GEMIN6: variants seen among roughly 807,000 people sequenced by gnomAD.
The protein encoded by GEMIN6 is gem nuclear organelle associated protein 6, also known as gem-associated protein 6.
Under a neutral mutation model 14.1 loss-of-function variants are expected in GEMIN6, and 13 were observed. The observed-to-expected ratio is 0.92, with a 90% confidence interval of 0.60 to 1.46. The LOEUF is 1.46. GEMIN6 is among the 40% of genes most tolerant of loss of function. The probability of loss-of-function intolerance (pLI) is 0.00; values close to 1 mark genes in which losing one functional copy is unlikely to be tolerated. For synonymous variants in GEMIN6, 87 were observed against 70.0 expected (o/e 1.24, Z -1.21); for missense variants, 271 against 202.4 (o/e 1.34, Z -2.06).
chr2:38,779,043 A>C lies in GEMIN6; in HGVS notation c.53A>C (p.Lys18Thr). 3.1e-6 allele frequency: 5 copies of C among 1,613,868 alleles called. No individual in the cohort carries two copies. The highest frequency in any genetic ancestry group is 4.2e-6 in the Non-Finnish European group (5 of 1,179,856). Residue 18 changes from lysine (K) to threonine (T), a missense_variant, in exon 2 of 3, where the codon AAA becomes ACA. By Grantham distance (78) the Lys-to-Thr change is moderately conservative. Transcript: ENST00000281950. Reference sequence around the variant, plus strand: ...TTAGAATGGCAAGATTACATTTACAAAGAGGTCCGAGTGACAGCCAGTGAG... The same window carrying C: ...TTAGAATGGCAAGATTACATTTACACAGAGGTCCGAGTGACAGCCAGTGAG... ...GPLEWQDYIY[K>T]EVRVTASEKN...
chr2:38,780,974 C>T (rs1558338398), intron 2 of GEMIN6, among the ~76,000 whole-genome samples: 1 of 32,856 alleles, frequency 3.0e-5, no homozygotes, highest in African/African-American at 6.0e-5. Flanking sequence ...ACCCTGCCTT[C>T]TTCTTTTTTT....
In GEMIN6 at chr2:38,779,116, C is replaced by CTG. The variant is rs1558337548; in HGVS notation, c.126_127insTG (p.Asn43Ter). 3 of 1,611,456 alleles carry CTG rather than the reference C, an allele frequency of 1.9e-6. No individual in the cohort carries two copies. ...TTTTAACTACAGACCCAGTCTCTGC[C>CTG]AAGTGAGTATGCATCCTACTTGCCT... On this transcript the variant is annotated frameshift_variant and splice_region_variant, in exon 2 of 3. Coordinates refer to ENST00000281950, the MANE Select transcript of GEMIN6 (RefSeq NM_024775.10). LOFTEE classifies it high-confidence loss of function.
rs1669087592 is a variant in GEMIN6, at chr2:38,781,601, G to A, written c.213G>A (p.Met71Ile). ...ATGCTGTGCAGACTGTTGAAACTATGAATGAAGGGGACCATAGAGTGAGGG... is the reference window on the plus strand; with the variant it reads ...ATGCTGTGCAGACTGTTGAAACTATAAATGAAGGGGACCATAGAGTGAGGG... ...MGHAVQTVET[M>I]NEGDHRVREK... Residue 71 changes from methionine (M) to isoleucine (I), a missense_variant, in exon 3 of 3, where the codon ATG (methionine) becomes ATA (isoleucine). Met to Ile is a conservative substitution (Grantham distance 10). Transcript: ENST00000281950. 1.2e-6 allele frequency: 2 copies of A among 1,614,192 alleles called. No homozygotes were observed. The highest frequency in any genetic ancestry group is 1.7e-5 in the Admixed American group (1 of 60,016).
intron 2 of GEMIN6, among the ~76,000 whole-genome samples, chr2:38,779,650 A>ATATATATATATG (rs1558337871): frequency 4.0e-5 from 1 of 24,882 alleles, no homozygotes; most frequent in Non-Finnish European, 1.2e-4. Context: ...ATATATATAT[A>ATATATATATATG]TATATATATA....
At chr2:38,779,652 A>G (rs1210593529) in intron 2 of GEMIN6, among the ~76,000 whole-genome samples, 1 of 25,444 alleles carries the variant, frequency 3.9e-5, no homozygotes, top group East Asian at 8.3e-4. Context: ...ATATATATAT[A>G]TATATATATA....
intron 2 of GEMIN6, among the ~76,000 whole-genome samples, chr2:38,780,203 C>G (rs1285707373): frequency 2.9e-4 from 44 of 151,268 alleles, no homozygotes; most frequent in Non-Finnish European, 8.9e-5. Flanking sequence ...ACCTGTAGTC[C>G]CAGCTACTCA....
chr2:38,781,958 A>G lies in GEMIN6; in HGVS notation c.*66A>G, dbSNP rs1572594362. 1 of 1,427,582 alleles carries G rather than the reference A, an allele frequency of 7.0e-7. No homozygotes were observed. The highest frequency in any genetic ancestry group is 2.3e-5 in the East Asian group (1 of 43,750). The allele number at this position is 1,427,582 out of a possible 1,614,324, so 88.4% of individuals were successfully genotyped here. A position where few individuals can be genotyped will look rare whatever the true frequency, so the allele number is the denominator to read the frequency against. On this transcript the variant is annotated 3_prime_UTR_variant, in exon 3 of 3. Transcript: ENST00000281950. ...ATTTTATCCCTCATAAAATGTTTTA[A>G]ATGTAAATGTACATGACTGTGTGTG...
rs1278130414 is a variant in GEMIN6 at position 38,783,289 on chromosome 2, G to C, written c.*1397G>C. On this transcript the variant is annotated 3_prime_UTR_variant, in exon 3 of 3. Transcript: ENST00000281950. ...TGCAACCTCTGCCTCCTGAGTTCAA[G>C]CCATTCTCCTGCCTCAGCCCCCTCA... The C allele has an allele frequency of 1.3e-5, 2 of 152,660 alleles. No individual in the cohort carries two copies. The highest frequency in any genetic ancestry group is 1.9e-4 in the East Asian group (1 of 5,220). The allele number at this position is 152,660 out of a possible 1,614,324, so 9.5% of individuals were successfully genotyped here.
chr2:38,781,490 G>A (rs1669084333), intron 2 of GEMIN6, 27 bp from the exon 3 acceptor site: 1 of 1,569,700 alleles, frequency 6.4e-7, no homozygotes, highest in Non-Finnish European at 8.6e-7. Flanking sequence ...GGTTGATGAT[G>A]CCTCTAAACT....
rs1055896275 is a variant in GEMIN6, at chr2:38,783,603, A to T, written c.*1711A>T. 4.0e-5 allele frequency: 6 copies of T among 150,890 alleles called. No homozygotes were observed. Among genetic ancestry groups the T allele is most frequent in the African/African-American group, 1.5e-4 (6 of 40,946 alleles). The allele number at this position is 150,890 out of a possible 1,614,324, so 9.3% of individuals were successfully genotyped here. A position where few individuals can be genotyped will look rare whatever the true frequency, so the allele number is the denominator to read the frequency against. ...TGGCCTCCCAAAGTGCTGGGAATATAGGTGTGAGCTGCCATGTCCAGCTGT... is the reference window on the plus strand; with the variant it reads ...TGGCCTCCCAAAGTGCTGGGAATATTGGTGTGAGCTGCCATGTCCAGCTGT... On this transcript the variant is annotated 3_prime_UTR_variant, in exon 3 of 3. Transcript: ENST00000281950.
At position 38,779,024 on chromosome 2, in the gene GEMIN6, T is replaced by A. The variant is rs752819069; in HGVS notation, c.34T>A (p.Trp12Arg). The A allele has an allele frequency of 6.2e-7, 1 of 1,613,624 alleles. No individual in the cohort carries two copies. The highest frequency in any genetic ancestry group is 8.5e-7 in the Non-Finnish European group (1 of 1,179,838). Residue 12 changes from tryptophan (W) to arginine (R), a missense_variant, in exon 2 of 3, where the codon TGG (tryptophan) becomes AGG (arginine). Transcript: ENST00000281950. ...SEWMKKGPLE[W>R]QDYIYKEVRV... ...ATGGATGAAGAAAGGCCCCTTAGAA[T>A]GGCAAGATTACATTTACAAAGAGGT... is the stretch of plus-strand genomic sequence containing the variant.
Position 38,784,157 on chromosome 2 carries a change from C to T in GEMIN6, c.*2265C>T, listed in dbSNP as rs1039321215. The T allele has an allele frequency of 3.3e-5, 5 of 152,138 alleles. No homozygotes were observed. The highest frequency in any genetic ancestry group is 1.2e-4 in the African/African-American group (5 of 41,428). 9.4% of individuals were successfully genotyped at this position (152,138 alleles called of 1,614,324 possible). A position where few individuals can be genotyped will look rare whatever the true frequency, so the allele number is the denominator to read the frequency against. On this transcript the variant is annotated 3_prime_UTR_variant, in exon 3 of 3. Transcript: ENST00000281950. ...TGGCTAAGACTCTCCTGTTCAAACCCTGGATGTCTTCAGAAAGCAAATAGA... is the reference window on the plus strand; with the variant it reads ...TGGCTAAGACTCTCCTGTTCAAACCTTGGATGTCTTCAGAAAGCAAATAGA...
At chr2:38,779,319 C>G (rs747653988) in intron 2 of GEMIN6, 3 of 547,526 alleles carry the variant, frequency 5.5e-6, no homozygotes, top group Non-Finnish European at 9.9e-6. Flanking sequence ...TAACCTCCAC[C>G]TCGCAGGTTC....
At chr2:38,780,937 G>GT (rs1454902735) in intron 2 of GEMIN6, among the ~76,000 whole-genome samples, 3 of 134,430 alleles carry the variant, frequency 2.2e-5, no homozygotes, top group Non-Finnish European at 4.8e-5. Context: ...CCTAGTTATT[G>GT]TTTTTTTAAC....
In GEMIN6 at chr2:38,782,060, G is replaced by A; in HGVS notation, c.*168G>A. The stretch of plus-strand genomic sequence containing the variant: ...TGGGTTATAAGTGCTAATTTCCTTG[G>A]GAAATTAATGAACTAGGGCAAGTAT... On this transcript the variant is annotated 3_prime_UTR_variant, in exon 3 of 3. Transcript: ENST00000281950. 1.7e-6 allele frequency: 1 copy of A among 599,292 alleles called. No individual in the cohort carries two copies. Among genetic ancestry groups the A allele is most frequent in the Non-Finnish European group, 2.8e-6 (1 of 362,466 alleles). 37.1% of individuals were successfully genotyped at this position (599,292 alleles called of 1,614,324 possible).
At chr2:38,779,196 A>C in intron 2 of GEMIN6, 78 bp downstream of exon 2, 1 of 1,371,824 alleles carries the variant, frequency 7.3e-7, no homozygotes, top group Non-Finnish European at 1.0e-6. Flanking sequence ...CTAAGAAAGC[A>C]GATAAATGAA....
chr2:38,779,397 A>C, intron 2 of GEMIN6: 1 of 328,268 alleles, frequency 3.0e-6, no homozygotes, highest in Non-Finnish European at 5.9e-6. Flanking sequence ...CGTCTGGCTA[A>C]TTTTTGTATT....
Position 38,781,572 on chromosome 2 carries a change from G to A in GEMIN6, c.184G>A (p.Gly62Arg). Residue 62 changes from glycine to arginine, a missense_variant, in exon 3 of 3, where the codon GGA becomes AGA. Transcript: ENST00000281950. ...CAGCATGTCTGTGACCGGAATTATG[G>A]GACATGCTGTGCAGACTGTTGAAAC... ...DGSMSVTGIMGHAVQTVETMN... is the reference protein window; with the variant it reads ...DGSMSVTGIMRHAVQTVETMN... 6.2e-7 allele frequency: 1 copy of A among 1,613,868 alleles called. No individual in the cohort carries two copies.
Position 38,782,027 on chromosome 2 carries a change from C to T in GEMIN6, c.*135C>T. 2 of 870,728 alleles carry T rather than the reference C, an allele frequency of 2.3e-6. No individual in the cohort carries two copies. Among genetic ancestry groups the T allele is most frequent in the South Asian group, 2.0e-5 (1 of 51,110 alleles). The allele number at this position is 870,728 out of a possible 1,614,324, so 53.9% of individuals were successfully genotyped here. On this transcript the variant is annotated 3_prime_UTR_variant, in exon 3 of 3. Transcript: ENST00000281950. ...TAATTCTTTGTTGTTTTGGTAAAAT[C>T]AGAGGAGTGGGTTATAAGTGCTAAT...
Sources: gnomAD v4.1 joint callset for allele counts (sites outside exome capture counted in the v4.1 genomes callset) on GRCh38, gnomAD v4.1.1 for gene constraint, MANE v1.5 for transcripts, NCBI Gene and HGNC (gene_info 2026-07-23, HGNC 2026-07-21) for gene names.